Variants in NFIB observed in about 807,000 individuals in gnomAD.
NFIB encodes nuclear factor 1 B-type.
NFIB carries 11 observed loss-of-function variants against 61.5 expected under a neutral mutation model. The ratio of observed to expected loss-of-function variants is 0.18; its 90% CI spans 0.11 to 0.30. The LOEUF (loss-of-function observed/expected upper bound fraction) is 0.30, where lower values mean the gene tolerates loss of function less well. NFIB is among the 10% of genes least tolerant of loss of function. NFIB has a pLI of 1.00. For synonymous variants in NFIB, 260 were observed against 216.5 expected (o/e 1.20, Z -1.76); for missense variants, 471 against 608.9 (o/e 0.77, Z 2.38).
At chr9:14,181,402 T>C (rs1412625752) in intron 2 of NFIB, among the ~76,000 whole-genome samples, 2 of 152,138 alleles carry the variant, frequency 1.3e-5, no homozygotes, top group African/African-American at 4.8e-5. Context: ...CTGAAGACAG[T>C]CAGAGAGCTG....
At chr9:14,484,951 T>C in the NFIB span, among the ~76,000 whole-genome samples, 1 of 152,202 alleles carries the variant, frequency 6.6e-6, no homozygotes, top group Admixed American at 6.5e-5. Flanking sequence ...GAGGGCTCTT[T>C]CCCTGACTCA....
At chr9:14,484,213 A>G in the NFIB span, among the ~76,000 whole-genome samples, 8 of 152,242 alleles carry the variant, frequency 5.3e-5, no homozygotes, top group South Asian at 2.1e-4. Context: ...GGCACTAGAC[A>G]TAGAATAGTG....
chr9:14,499,892 C>T, the NFIB span, among the ~76,000 whole-genome samples: 3 of 152,282 alleles, frequency 2.0e-5, no homozygotes, highest in African/African-American at 7.2e-5. Flanking sequence ...TATTCAATCA[C>T]CCTTAAAAGA....
chr9:14,358,836 C>T (rs1038709401), intron 1 of NFIB, among the ~76,000 whole-genome samples: 5 of 152,196 alleles, frequency 3.3e-5, no homozygotes, highest in Non-Finnish European at 5.9e-5. Context: ...TTGTTAAACA[C>T]TCACCATTAA....
At chr9:14,284,330 G>A (rs1437392288) in intron 2 of NFIB, among the ~76,000 whole-genome samples, 1 of 152,052 alleles carries the variant, frequency 6.6e-6, no homozygotes, top group East Asian at 1.9e-4. Flanking sequence ...GAAGAGAAAG[G>A]GAAGTCATTT....
intron 10 of NFIB, among the ~76,000 whole-genome samples, chr9:14,111,514 T>A (rs1164739495): frequency 6.6e-6 from 1 of 152,206 alleles, no homozygotes; most frequent in African/African-American, 2.4e-5. Context: ...GAGAAAAATA[T>A]TCCTGAGAAT....
At chr9:14,238,869 G>A (rs2054071907) in intron 2 of NFIB, among the ~76,000 whole-genome samples, 1 of 151,950 alleles carries the variant, frequency 6.6e-6, no homozygotes, top group African/African-American at 2.4e-5. Context: ...AAAAATAAAT[G>A]AATGAATGAA....
chr9:14,104,136 C>T (rs1020338237), intron 10 of NFIB, among the ~76,000 whole-genome samples: 3 of 151,956 alleles, frequency 2.0e-5, no homozygotes, highest in Non-Finnish European at 4.4e-5. Flanking sequence ...TGGTCTCGAA[C>T]TCCTGACCTT....
the NFIB span, among the ~76,000 whole-genome samples, chr9:14,468,997 T>A: frequency 4.6e-5 from 7 of 152,318 alleles, no homozygotes; most frequent in East Asian, 1.4e-3. Context: ...TATCCAGGTA[T>A]CAGAAGTGTG....
intron 2 of NFIB, among the ~76,000 whole-genome samples, chr9:14,285,775 T>C (rs1339284162): frequency 1.3e-5 from 2 of 152,170 alleles, no homozygotes; most frequent in Admixed American, 1.3e-4. Flanking sequence ...AATGGTCACA[T>C]GTGGAAAAGC....
intron 10 of NFIB, among the ~76,000 whole-genome samples, chr9:14,100,980 T>C (rs1432862827): frequency 2.6e-5 from 4 of 152,310 alleles, no homozygotes; most frequent in Admixed American, 2.0e-4. Flanking sequence ...AGTTATTCAA[T>C]AAAATATGGA....
At chr9:14,447,496 C>G in the NFIB span, among the ~76,000 whole-genome samples, 1 of 152,082 alleles carries the variant, frequency 6.6e-6, no homozygotes, top group East Asian at 1.9e-4. Flanking sequence ...TTTTTAAAAC[C>G]ACTAAATGAG....
the NFIB span, among the ~76,000 whole-genome samples, chr9:14,421,084 C>A: frequency 1.3e-3 from 178 of 135,670 alleles, no homozygotes; most frequent in Admixed American, 1.7e-3. Context: ...GGATCTTTGG[C>A]AAAAAAAAAA....
the NFIB span, among the ~76,000 whole-genome samples, chr9:14,437,497 C>A: frequency 6.6e-6 from 1 of 152,198 alleles, no homozygotes; most frequent in South Asian, 2.1e-4. Context: ...TTGTTGACTT[C>A]CCCTTCCAGA....
chr9:14,100,688 T>C (rs1292549419), intron 10 of NFIB, among the ~76,000 whole-genome samples: 3 of 152,272 alleles, frequency 2.0e-5, no homozygotes, highest in Non-Finnish European at 4.4e-5. Context: ...CACTCCAGCC[T>C]GGTTGACAGA....
intron 2 of NFIB, among the ~76,000 whole-genome samples, chr9:14,233,242 G>A (rs2053390850): frequency 6.6e-6 from 1 of 152,106 alleles, no homozygotes; most frequent in Non-Finnish European, 1.5e-5. Flanking sequence ...ATTTCCAAAT[G>A]TAAGTAATAG....
Position 14,314,096 on chromosome 9 carries a change from C to G in NFIB, c.-585G>C, listed in dbSNP as rs2060424603. The G allele has an allele frequency of 9.7e-7, 1 of 1,033,828 alleles. No homozygotes were observed. The highest frequency in any genetic ancestry group is 1.2e-6 in the Non-Finnish European group (1 of 860,962). The allele number at this position is 1,033,828 out of a possible 1,614,324, so 64.0% of individuals were successfully genotyped here. On this transcript the variant is annotated 5_prime_UTR_variant, in exon 1 of 11. Coordinates refer to ENST00000380953, the MANE Select transcript of NFIB (RefSeq NM_001190737.2). ...GTGGTGATCGCAGGCGAAACTTTGC[C>G]GCGAGCCGACCATGTGTGTGCGCGA...
chr9:14,456,201 T>A, the NFIB span, among the ~76,000 whole-genome samples: 2 of 120,652 alleles, frequency 1.7e-5, no homozygotes, highest in Non-Finnish European at 3.5e-5. Flanking sequence ...CTGGAGTAAC[T>A]ACTTGGCATT....
chr9:14,217,417 T>C (rs1332686249), intron 2 of NFIB, among the ~76,000 whole-genome samples: 1 of 152,118 alleles, frequency 6.6e-6, no homozygotes. Flanking sequence ...TCCCAGCATT[T>C]TGGGAGGCCA....
Sources: allele counts gnomAD v4.1 joint callset (sites outside exome capture counted in the v4.1 genomes callset), GRCh38; gene constraint gnomAD v4.1.1; transcripts MANE v1.5; gene names NCBI Gene and HGNC (gene_info 2026-07-23, HGNC 2026-07-21).